Variants in PRMT8 observed in about 807,000 individuals in gnomAD.
PRMT8 encodes the protein protein arginine N-methyltransferase 8.
A neutral mutation model predicts 47.1 loss-of-function variants in PRMT8; 7 were observed. The ratio of observed to expected loss-of-function variants is 0.15; its 90% CI spans 0.08 to 0.28. The LOEUF is 0.28. Ranked by LOEUF, PRMT8 falls within the 10% of genes least tolerant of loss-of-function variation. The pLI is 1.00. For synonymous variants in PRMT8, 188 were observed against 186.5 expected, an observed-to-expected ratio of 1.01 and a Z score of -0.07; for missense variants, 237 against 505.4, an observed-to-expected ratio of 0.47 and a Z score of 5.09.
chr12:3,438,628 A>G (rs1173869970), intron 1 of PRMT8, among the ~76,000 whole-genome samples: 2 of 152,218 alleles, frequency 1.3e-5, no homozygotes, highest in African/African-American at 4.8e-5. Flanking sequence ...TATCCCAGCA[A>G]TCCTGGGTGT....
rs1326408647 is a variant in PRMT8, at chr12:3,492,422, G to T, written c.75+722G>T. Among the ~76,000 whole-genome samples, 5 of 152,204 alleles carry T rather than the reference G, an allele frequency of 3.3e-5. No homozygotes were observed. The highest frequency in any genetic ancestry group is 7.3e-5 in the Non-Finnish European group (5 of 68,034). On this transcript the variant is annotated intron_variant, in intron 1 of 9. Transcript: ENST00000382622. This position sits in a 1 kb window ranked among gnomAD's most constrained non-coding sequence, Gnocchi z 7.5. The stretch of plus-strand genomic sequence containing the variant: ...GCCCCTGCAGCAGCCGAGCCTGCGC[G>T]GACTGTGGGGGCTGCGCGCCGCCGG...
chr12:3,430,461 G>C (rs1864663425), intron 1 of PRMT8, among the ~76,000 whole-genome samples: 1 of 152,066 alleles, frequency 6.6e-6, no homozygotes, highest in Non-Finnish European at 1.5e-5. Flanking sequence ...TTCATATCTT[G>C]TTTCCAAATC....
At chr12:3,468,742 A>G (rs1417042807) in intron 1 of PRMT8, among the ~76,000 whole-genome samples, 4 of 152,264 alleles carry the variant, frequency 2.6e-5, no homozygotes, top group Non-Finnish European at 4.4e-5. Flanking sequence ...CCATTGAGAA[A>G]ATAGCCAAGA....
chr12:3,489,779 G>A (rs934101956), upstream of PRMT8, among the ~76,000 whole-genome samples: 2 of 151,444 alleles, frequency 1.3e-5, no homozygotes, highest in South Asian at 4.2e-4. Flanking sequence ...AGGTTAAGGA[G>A]GTTAAGGTCA....
At chr12:3,586,779 T>C (rs1867184573) in intron 8 of PRMT8, among the ~76,000 whole-genome samples, 1 of 152,216 alleles carries the variant, frequency 6.6e-6, no homozygotes, top group Admixed American at 6.5e-5. Context: ...CAATGTTGAC[T>C]TTCTTCTGGA....
At chr12:3,578,079 T>C (rs1866981085) in intron 7 of PRMT8, among the ~76,000 whole-genome samples, 1 of 131,492 alleles carries the variant, frequency 7.6e-6, no homozygotes, top group South Asian at 2.2e-4. Context: ...TTGACAGTTT[T>C]TTAAAATAGA....
In PRMT8 at chr12:3,491,339, G is replaced by A; in HGVS notation, c.-287G>A. The A allele has an allele frequency of 1.8e-6, 2 of 1,121,830 alleles. No homozygotes were observed. Among genetic ancestry groups the A allele is most frequent in the Non-Finnish European group, 2.2e-6 (2 of 917,002 alleles). The allele number at this position is 1,121,830 out of a possible 1,614,324, so 69.5% of individuals were successfully genotyped here. A position where few individuals can be genotyped will look rare whatever the true frequency, so the allele number is the denominator to read the frequency against. Reference sequence around the variant, plus strand: ...GAGGCTTCGGGGCTGCTTCCCTCGAGCTTAGCCCGCAGCGCGGGTGGAGAG... The same window carrying A: ...GAGGCTTCGGGGCTGCTTCCCTCGAACTTAGCCCGCAGCGCGGGTGGAGAG... On this transcript the variant is annotated 5_prime_UTR_variant, in exon 1 of 10. Transcript: ENST00000382622.
chr12:3,574,841 T>C (rs1317965105), intron 6 of PRMT8, among the ~76,000 whole-genome samples: 1 of 152,216 alleles, frequency 6.6e-6, no homozygotes, highest in Non-Finnish European at 1.5e-5. Context: ...TGCTTAGCAC[T>C]AGCAGTGAAC....
intron 1 of PRMT8, among the ~76,000 whole-genome samples, chr12:3,410,847 G>T (rs1864421816): frequency 6.6e-6 from 1 of 152,142 alleles, no homozygotes; most frequent in Non-Finnish European, 1.5e-5. Flanking sequence ...ATGGGGCATT[G>T]GTCTGCCATA....
Position 3,520,163 on chromosome 12 carries a change from G to A in PRMT8, c.76-20443G>A, listed in dbSNP as rs141944147. On this transcript the variant is annotated intron_variant, in intron 1 of 9. Transcript: ENST00000382622. ...TCCCCTCCCAGAGTGGGGACAAACC[G>A]GAGACCCTTTGCAGTTGCTGGGTCA... 8.5e-5 allele frequency among the ~76,000 whole-genome samples: 13 copies of A among 152,306 alleles called. No individual in the cohort carries two copies. The East Asian group carries it at 1.4e-3, about 16-fold the overall frequency.
rs548672773 is a variant in PRMT8 at position 3,548,300 on chromosome 12, A to AGCACCT, written c.262-1635_262-1630dup. Reference sequence around the variant, plus strand: ...GACAAAGATCAGACAGGGCACAAAAAGCACCTATCATAAGTGAAAAAAATG... The same window carrying AGCACCT: ...GACAAAGATCAGACAGGGCACAAAAAGCACCTGCACCTATCATAAGTGAAAAAAATG... On this transcript the variant is annotated intron_variant, in intron 2 of 9. Coordinates refer to ENST00000382622, the MANE Select transcript of PRMT8 (RefSeq NM_019854.5). 1.3e-3 allele frequency among the ~76,000 whole-genome samples: 203 copies of AGCACCT among 152,332 alleles called. 1 individual carries two copies. The highest frequency in any genetic ancestry group is 4.8e-3 in the African/African-American group (199 of 41,590).
chr12:3,560,498 C>T (rs890513463), intron 4 of PRMT8, among the ~76,000 whole-genome samples: 2 of 152,210 alleles, frequency 1.3e-5, no homozygotes, highest in East Asian at 1.9e-4. Flanking sequence ...GCACTAACAA[C>T]TATTATTTCC....
chr12:3,385,151 GAC>G (rs900352110), intron 1 of PRMT8, among the ~76,000 whole-genome samples: 2 of 152,116 alleles, frequency 1.3e-5, no homozygotes, highest in Non-Finnish European at 2.9e-5. Context: ...TTTATTATGA[GAC>G]ACAGTGTGCT....
intron 1 of PRMT8, among the ~76,000 whole-genome samples, chr12:3,458,724 TCTGCTCTAACTGG>T (rs1865003500): frequency 6.6e-6 from 1 of 152,218 alleles, no homozygotes; most frequent in African/African-American, 2.4e-5. Context: ...AAACTCAATG[TCTGCTCTAACTGG>T]CTTTGGTGCA....
intron 1 of PRMT8, among the ~76,000 whole-genome samples, chr12:3,536,947 T>A (rs1866128338): frequency 6.6e-6 from 1 of 152,246 alleles, no homozygotes; most frequent in South Asian, 2.1e-4. Flanking sequence ...CTTTTGTCAC[T>A]AAGGACAGCA....
At chr12:3,458,031 CG>C (rs1864995456) in intron 1 of PRMT8, among the ~76,000 whole-genome samples, 1 of 151,846 alleles carries the variant, frequency 6.6e-6, no homozygotes, top group South Asian at 2.1e-4. Context: ...TTAGTAGAGA[CG>C]GGGTTTCACC....
Position 3,566,083 on chromosome 12 carries a change from G to A in PRMT8, c.482-2623G>A, listed in dbSNP as rs756069185. On this transcript the variant is annotated intron_variant, in intron 4 of 9. Transcript: ENST00000382622. The surrounding 1 kb of genome is among the most constrained non-coding windows in gnomAD (Gnocchi z 4.7). ...CATTAGGGAAGAACCTTCAAGAAAC[G>A]TGCAAAGAAAAAAAAGTAAGGGAGG... 3.3e-5 allele frequency among the ~76,000 whole-genome samples: 5 copies of A among 151,902 alleles called. No homozygotes were observed. The highest frequency in any genetic ancestry group is 5.9e-5 in the Non-Finnish European group (4 of 67,968).
At chr12:3,558,741 G>A (rs1029298398) in intron 4 of PRMT8, among the ~76,000 whole-genome samples, 1 of 152,206 alleles carries the variant, frequency 6.6e-6, no homozygotes, top group Non-Finnish European at 1.5e-5. Context: ...AAATCTCACA[G>A]ACAGGATGCT....
rs1174053271 is a variant in PRMT8, at chr12:3,552,599, C to G, written c.418-1052C>G. On this transcript the variant is annotated intron_variant, in intron 3 of 9. Transcript: ENST00000382622. The surrounding 1 kb of genome is among the most constrained non-coding windows in gnomAD (Gnocchi z 4.5). The stretch of plus-strand genomic sequence containing the variant: ...GACAGTGCAGCCTGAAGGCCAGGGA[C>G]CTGGCAGCCCAGGAAAGGGCTGGTT... 1 of 384,896 alleles carries G rather than the reference C, an allele frequency of 2.6e-6. No individual in the cohort carries two copies. Among genetic ancestry groups the G allele is most frequent in the Non-Finnish European group, 5.3e-6 (1 of 190,214 alleles). 23.8% of individuals were successfully genotyped at this position (384,896 alleles called of 1,614,324 possible).
Sources: gnomAD v4.1 joint callset for allele counts (sites outside exome capture counted in the v4.1 genomes callset) on GRCh38, gnomAD v4.1.1 for gene constraint, Gnocchi (gnomAD v3.1) non-coding constraint, MANE v1.5 for transcripts, NCBI Gene and HGNC (gene_info 2026-07-23, HGNC 2026-07-21) for gene names.